Variants in SERGEF observed in about 807,000 individuals in gnomAD.
SERGEF encodes the protein secretion regulating guanine nucleotide exchange factor.
Under a neutral mutation model 50.0 loss-of-function variants are expected in SERGEF, and 51 were observed. The ratio of observed to expected loss-of-function variants is 1.02; its 90% CI spans 0.81 to 1.29. The LOEUF is 1.29. SERGEF is among the 50% of genes most tolerant of loss of function. The pLI, the probability that SERGEF is intolerant of heterozygous loss-of-function variation, is 0.00. For synonymous variants in SERGEF, 205 were observed against 212.4 expected (o/e 0.97, Z 0.30); for missense variants, 521 against 557.0 (o/e 0.94, Z 0.65).
intron 9 of SERGEF, among the ~76,000 whole-genome samples, chr11:17,896,688 A>T (rs1468337096): frequency 1.6e-5 from 1 of 61,232 alleles, no homozygotes. Flanking sequence ...AGGGGAAGGG[A>T]AAGGGGAAGG....
chr11:17,944,551 G>T (rs1250167482), intron 9 of SERGEF, among the ~76,000 whole-genome samples: 2 of 152,172 alleles, frequency 1.3e-5, no homozygotes, highest in African/African-American at 4.8e-5. Context: ...CACTTGTGAA[G>T]AATGTGCCTG....
At chr11:17,911,436 A>C (rs1021789865) in intron 9 of SERGEF, among the ~76,000 whole-genome samples, 2 of 149,918 alleles carry the variant, frequency 1.3e-5, no homozygotes, top group Non-Finnish European at 3.0e-5. Context: ...GTGTAATTTG[A>C]TAAGTTTTGA....
At chr11:17,812,192 C>A (rs780812348) in intron 10 of SERGEF, among the ~76,000 whole-genome samples, 21 of 152,194 alleles carry the variant, frequency 1.4e-4, no homozygotes, top group Non-Finnish European at 2.4e-4. Flanking sequence ...GACTGAGAAA[C>A]CAGTTTTAAA....
chr11:17,976,135 C>T (rs1324434140), intron 8 of SERGEF, among the ~76,000 whole-genome samples: 2 of 152,120 alleles, frequency 1.3e-5, no homozygotes, highest in African/African-American at 4.8e-5. Context: ...ACACCTAGCT[C>T]TTCAGGGTTC....
chr11:17,801,461 C>A (rs915847260), intron 10 of SERGEF, among the ~76,000 whole-genome samples: 1 of 152,096 alleles, frequency 6.6e-6, no homozygotes, highest in African/African-American at 2.4e-5. Flanking sequence ...GCAGTGGGGA[C>A]GGAGATAAAT....
chr11:17,853,608 T>G (rs936843185), intron 10 of SERGEF: 7 of 152,182 alleles, frequency 4.6e-5, no homozygotes, highest in African/African-American at 1.7e-4. Flanking sequence ...TTCCCATGTA[T>G]CCACGTATGG....
At chr11:17,822,365 A>G (rs1204478946) in intron 10 of SERGEF, among the ~76,000 whole-genome samples, 2 of 152,246 alleles carry the variant, frequency 1.3e-5, no homozygotes, top group Non-Finnish European at 2.9e-5. Context: ...GCTGATTCCT[A>G]AAGAGAAAAA....
chr11:17,833,852 G>T (rs978311407), intron 10 of SERGEF, among the ~76,000 whole-genome samples: 2 of 152,210 alleles, frequency 1.3e-5, no homozygotes, highest in African/African-American at 4.8e-5. Flanking sequence ...CCCAATGCCT[G>T]TAACCCCATG....
intron 9 of SERGEF, among the ~76,000 whole-genome samples, chr11:17,897,725 A>G (rs922586872): frequency 2.0e-5 from 3 of 152,196 alleles, no homozygotes; most frequent in Non-Finnish European, 4.4e-5. Flanking sequence ...AAACAAATCT[A>G]ATGTATAGCA....
chr11:17,998,878 C>G (rs1853901579), intron 5 of SERGEF, among the ~76,000 whole-genome samples: 1 of 150,264 alleles, frequency 6.7e-6, no homozygotes, highest in Non-Finnish European at 1.5e-5. Context: ...ACACAATAAT[C>G]TTAATACTTT....
At chr11:17,916,512 C>G (rs1489823876) in intron 9 of SERGEF, among the ~76,000 whole-genome samples, 1 of 152,136 alleles carries the variant, frequency 6.6e-6, no homozygotes, top group African/African-American at 2.4e-5. Context: ...AAGTAGAGAC[C>G]TGGAAATCTG....
chr11:17,836,796 C>T (rs2133858800), intron 10 of SERGEF, among the ~76,000 whole-genome samples: 1 of 152,256 alleles, frequency 6.6e-6, no homozygotes, highest in Non-Finnish European at 1.5e-5. Flanking sequence ...AAAAGTAAGT[C>T]CCGTCCTTCG....
intron 8 of SERGEF, among the ~76,000 whole-genome samples, chr11:17,974,441 AG>A (rs1375237511): frequency 6.6e-6 from 1 of 152,206 alleles, no homozygotes; most frequent in Non-Finnish European, 1.5e-5. Context: ...TTCATTTCAC[AG>A]GCTCAGCTCC....
intron 10 of SERGEF, among the ~76,000 whole-genome samples, chr11:17,809,591 T>G (rs572789813): frequency 6.6e-6 from 1 of 152,092 alleles, no homozygotes; most frequent in South Asian, 2.1e-4. Context: ...AGGGAGATCA[T>G]TTGGAGGTGG....
At chr11:17,791,244 TTGTC>T (rs1167172007) in intron 10 of SERGEF, among the ~76,000 whole-genome samples, 2 of 152,238 alleles carry the variant, frequency 1.3e-5, no homozygotes, top group South Asian at 2.1e-4. Flanking sequence ...GCATGAGTCT[TTGTC>T]TGTCTCTCTA....
chr11:17,879,205 A>T (rs1412061967), intron 9 of SERGEF, among the ~76,000 whole-genome samples: 2 of 152,180 alleles, frequency 1.3e-5, no homozygotes, highest in African/African-American at 4.8e-5. Flanking sequence ...GTTTCCAACC[A>T]GTGGGAGATA....
intron 5 of SERGEF, among the ~76,000 whole-genome samples, chr11:17,998,914 A>C (rs1230193130): frequency 6.6e-6 from 1 of 152,052 alleles, no homozygotes; most frequent in African/African-American, 2.4e-5. Flanking sequence ...TGAGAAAATA[A>C]ATGTCTGTTC....
chr11:17,885,181 C>T (rs1851406474), intron 9 of SERGEF, among the ~76,000 whole-genome samples: 1 of 152,212 alleles, frequency 6.6e-6, no homozygotes, highest in South Asian at 2.1e-4. Flanking sequence ...TCTCCAGATC[C>T]TGTTAATCCT....
intron 9 of SERGEF, among the ~76,000 whole-genome samples, chr11:17,942,099 TG>T (rs2133956788): frequency 6.6e-6 from 1 of 152,312 alleles, no homozygotes; most frequent in East Asian, 1.9e-4. Flanking sequence ...CAGCCTTTTA[TG>T]TTTCCATATA....
Sources: allele counts gnomAD v4.1 joint callset (sites outside exome capture counted in the v4.1 genomes callset), GRCh38; gene constraint gnomAD v4.1.1; transcripts MANE v1.5; gene names NCBI Gene and HGNC (gene_info 2026-07-23, HGNC 2026-07-21).